Variants in CCDC28B observed in about 807,000 individuals in gnomAD.
The protein encoded by CCDC28B is coiled-coil domain-containing protein 28B.
CCDC28B carries 17 observed loss-of-function variants against 18.7 expected under a neutral mutation model. That is an observed-to-expected ratio of 0.91 (90% CI 0.62 to 1.36). CCDC28B has a LOEUF of 1.36. Ranked by LOEUF, CCDC28B falls within the 40% of genes most tolerant of loss-of-function variation. The pLI is 0.00. For missense variants in CCDC28B, 213 were observed against 251.7 expected (o/e 0.85, Z 1.04); for synonymous variants, 116 against 105.1 (o/e 1.10, Z -0.64).
At chr1:32,201,043 C>G (rs535084367) in intron 1 of CCDC28B, among the ~76,000 whole-genome samples, 4 of 151,552 alleles carry the variant, frequency 2.6e-5, no homozygotes, top group Non-Finnish European at 5.9e-5. Context: ...CCAACCCCCC[C>G]AGTCCCAGAA....
intron 1 of CCDC28B, chr1:32,201,669 C>T: frequency 3.0e-6 from 1 of 330,468 alleles, no homozygotes; most frequent in East Asian, 5.1e-5. Context: ...TGACTGGTCC[C>T]ACCCTTTCAG....
At position 32,204,640 on chromosome 1, in the gene CCDC28B, C is replaced by T. The variant is rs1441258235; in HGVS notation, c.548+20C>T. ...TTCTATGTATCCTTTCCAAGGAACC[C>T]GTCTATGTGTGTGTGTTCCTGAGAG... is the stretch of plus-strand genomic sequence containing the variant. On this transcript the variant is annotated intron_variant, in intron 5 of 5. Transcript: ENST00000373602. The T allele has an allele frequency of 1.8e-5, 28 of 1,599,698 alleles. No individual in the cohort carries two copies. Among genetic ancestry groups the T allele is most frequent in the Non-Finnish European group, 2.3e-5 (27 of 1,174,982 alleles).
chr1:32,204,682 C>T, intron 5 of CCDC28B, 62 bp downstream of exon 5: 3 of 1,614,132 alleles, frequency 1.9e-6, no homozygotes, highest in Non-Finnish European at 2.5e-6. Flanking sequence ...TTCCTCCTCT[C>T]CAGCCCTCCA....
At chr1:32,196,594 G>C (rs1447664303), upstream of CCDC28B, 1 of 152,152 alleles carries the variant, frequency 6.6e-6, no homozygotes, top group East Asian at 1.9e-4. Flanking sequence ...TCTATATGCT[G>C]AATGTTCTGC....
At chr1:32,196,419 ACTT>A (rs1395289055), upstream of CCDC28B, 5 of 152,232 alleles carry the variant, frequency 3.3e-5, no homozygotes, top group Non-Finnish European at 7.4e-5. Flanking sequence ...TGGGGATTCT[ACTT>A]CTTCCTGTGT....
At chr1:32,198,382 G>T (rs1052866927), upstream of CCDC28B, 2 of 152,256 alleles carry the variant, frequency 1.3e-5, no homozygotes, top group African/African-American at 4.8e-5. Flanking sequence ...GCTGCAGAGC[G>T]CCCATGGTGG....
chr1:32,200,927 C>T (rs189122397), intron 1 of CCDC28B, among the ~76,000 whole-genome samples: 2 of 152,316 alleles, frequency 1.3e-5, no homozygotes, highest in Admixed American at 1.3e-4. Context: ...AGCTGCTGCA[C>T]GGAGAGGCAG....
chr1:32,202,477 G>A (rs1643168100), intron 2 of CCDC28B: 2 of 375,726 alleles, frequency 5.3e-6, no homozygotes, highest in East Asian at 6.9e-5. Context: ...GAAATGGTGA[G>A]GAAATACCTG....
At chr1:32,201,709 A>T in intron 1 of CCDC28B, 1 of 414,420 alleles carries the variant, frequency 2.4e-6, no homozygotes, top group South Asian at 5.5e-5. Flanking sequence ...GCAGAAGGGG[A>T]ATTAGGTTGG....
At chr1:32,196,153 T>C (rs1398037872), upstream of CCDC28B, 1 of 158,476 alleles carries the variant, frequency 6.3e-6, no homozygotes, top group Non-Finnish European at 1.4e-5. Context: ...GTTTCCTGTT[T>C]GGTGAGATCA....
chr1:32,204,414 G>T (rs1010177047), intron 4 of CCDC28B, 35 bp downstream of exon 4: 8 of 1,541,280 alleles, frequency 5.2e-6, no homozygotes, highest in Non-Finnish European at 7.0e-6. Context: ...GTTCCTGGGG[G>T]CATGAGGGGT....
At position 32,204,172 on chromosome 1, in the gene CCDC28B, G is replaced by C; in HGVS notation, c.332-14G>C. 1 of 1,613,914 alleles carries C rather than the reference G, an allele frequency of 6.2e-7. No individual in the cohort carries two copies. The highest frequency in any genetic ancestry group is 1.1e-5 in the South Asian group (1 of 91,056). On this transcript the variant is annotated splice_polypyrimidine_tract_variant and intron_variant, in intron 3 of 5. Coordinates refer to ENST00000373602, the MANE Select transcript of CCDC28B (RefSeq NM_024296.5). ...GGACTCTTTCCCAGGGTTCAGACAG[G>C]GGCTTCGTTCCAGGGAAGGAATGCT...
rs1431489105 is a variant in CCDC28B at position 32,205,125 on chromosome 1, T to G, written c.549-69T>G. On this transcript the variant is annotated intron_variant, in intron 5 of 5. Coordinates refer to ENST00000373602, the MANE Select transcript of CCDC28B (RefSeq NM_024296.5). This position sits in a 1 kb window ranked among gnomAD's most constrained non-coding sequence, Gnocchi z 5.6. The stretch of plus-strand genomic sequence containing the variant: ...TTTGCACAGGTGAGGGAACTAAACC[T>G]GTGCAAGATGGGAGACCGGGGTGGG... 1.3e-6 allele frequency: 2 copies of G among 1,584,362 alleles called. No individual in the cohort carries two copies. Among genetic ancestry groups the G allele is most frequent in the Non-Finnish European group, 1.7e-6 (2 of 1,158,164 alleles).
chr1:32,201,793 T>G, intron 1 of CCDC28B, 120 bp from the exon 2 acceptor site: 1 of 800,384 alleles, frequency 1.2e-6, no homozygotes, highest in Non-Finnish European at 2.0e-6. Context: ...GCCCCTACCG[T>G]ATAGATGAGG....
chr1:32,199,369 G>T (rs543548479), upstream of CCDC28B, among the ~76,000 whole-genome samples: 2 of 96,078 alleles, frequency 2.1e-5, no homozygotes, highest in South Asian at 7.7e-4. Flanking sequence ...TGGAGGGTGT[G>T]GGGGGGGTGC....
Position 32,203,942 on chromosome 1 carries a change from C to CCTGCAGCACTCCT in CCDC28B, c.229_241dup (p.Phe81SerfsTer11). 6.4e-7 allele frequency: 1 copy of CCTGCAGCACTCCT among 1,574,756 alleles called. No individual in the cohort carries two copies. Among genetic ancestry groups the CCTGCAGCACTCCT allele is most frequent in the Non-Finnish European group, 8.6e-7 (1 of 1,160,912 alleles). ...GTGGAAGCGGCTCTGCAGGCACGCC[C>CCTGCAGCACTCCT]CTGCAGCACTCCTTCCTGACCGAGG... On this transcript the variant is annotated frameshift_variant, in exon 3 of 6. Coordinates refer to ENST00000373602, the MANE Select transcript of CCDC28B (RefSeq NM_024296.5). LOFTEE classifies it high-confidence loss of function.
rs754882891 is a variant in CCDC28B, at chr1:32,201,957, C to CG, written c.24dup (p.Ser9GlufsTer79). On this transcript the variant is annotated frameshift_variant, in exon 2 of 6. Transcript: ENST00000373602. LOFTEE classifies it high-confidence loss of function. ...CCCAATGGATGACAAAAAGAAGAAA[C>CG]GGAGTCCCAAGCCCTGCCTGGCCCA... 3.7e-6 allele frequency: 6 copies of CG among 1,605,792 alleles called. No individual in the cohort carries two copies. Among genetic ancestry groups the CG allele is most frequent in the Non-Finnish European group, 3.4e-6 (4 of 1,177,054 alleles).
intron 2 of CCDC28B, chr1:32,203,249 G>A (rs1643194848): frequency 1.3e-5 from 2 of 152,092 alleles, no homozygotes; most frequent in Non-Finnish European, 2.9e-5. Flanking sequence ...CTGAGGTCAG[G>A]AGTTCAAGAC....
chr1:32,205,353 G>A lies in CCDC28B; in HGVS notation c.*105G>A, dbSNP rs1643291372. On this transcript the variant is annotated 3_prime_UTR_variant, in exon 6 of 6. Coordinates refer to ENST00000373602, the MANE Select transcript of CCDC28B (RefSeq NM_024296.5). This position sits in a 1 kb window ranked among gnomAD's most constrained non-coding sequence, Gnocchi z 5.6. The stretch of plus-strand genomic sequence containing the variant: ...GCCCCCCAGGTGCTATGGGGGAGGG[G>A]GGCGTTGAATGGAATTAAACCAGAA... 5 of 1,199,746 alleles carry A rather than the reference G, an allele frequency of 4.2e-6. No individual in the cohort carries two copies. The East Asian group carries it at 7.8e-5, about 19-fold the overall frequency. The allele number at this position is 1,199,746 out of a possible 1,614,324, so 74.3% of individuals were successfully genotyped here.
Sources: allele counts gnomAD v4.1 joint callset (sites outside exome capture counted in the v4.1 genomes callset), GRCh38; gene constraint gnomAD v4.1.1; non-coding constraint Gnocchi (gnomAD v3.1); transcripts MANE v1.5; gene names NCBI Gene and HGNC (gene_info 2026-07-23, HGNC 2026-07-21).